The following PPP1R3B variants were observed in gnomAD, a reference collection of about 807,000 sequenced individuals.
PPP1R3B encodes protein phosphatase 1 regulatory subunit 3B, also known as PP1 subunit R4.
A neutral mutation model predicts 14.6 loss-of-function variants in PPP1R3B; 8 were observed. The ratio of observed to expected loss-of-function variants is 0.55; its 90% CI spans 0.32 to 0.99. PPP1R3B has a LOEUF of 0.99. Among genes scored for constraint, PPP1R3B ranks in the 50% least tolerant of loss-of-function variants. The pLI is 0.04. For synonymous variants in PPP1R3B, 169 were observed against 142.0 expected, an observed-to-expected ratio of 1.19 and a Z score of -1.35; for missense variants, 452 against 360.1, an observed-to-expected ratio of 1.26 and a Z score of -2.07.
In PPP1R3B at chr8:9,136,704, CT is replaced by C. The variant is rs1800901709; in HGVS notation, c.*4089del. The C allele has an allele frequency of 6.6e-6, 1 of 152,180 alleles. No individual in the cohort carries two copies. The highest frequency in any genetic ancestry group is 1.5e-5 in the Non-Finnish European group (1 of 68,022). 9.4% of individuals were successfully genotyped at this position (152,180 alleles called of 1,614,324 possible). A position where few individuals can be genotyped will look rare whatever the true frequency, so the allele number is the denominator to read the frequency against. On this transcript the variant is annotated 3_prime_UTR_variant, in exon 2 of 2. Transcript: ENST00000310455. Reference sequence around the variant, plus strand: ...GCTGCCAAATTGTCTTTGTGTGACCCTATAAGATCCCATCATCCATGTAACT... The same window carrying C: ...GCTGCCAAATTGTCTTTGTGTGACCCATAAGATCCCATCATCCATGTAACT...
At chr8:9,143,966 G>A (rs963776451) in intron 1 of PPP1R3B, among the ~76,000 whole-genome samples, 5 of 152,140 alleles carry the variant, frequency 3.3e-5, no homozygotes, top group South Asian at 2.1e-4. Flanking sequence ...ACCTTAATAT[G>A]TAAAGTGTTC....
chr8:9,141,759 C>T, intron 1 of PPP1R3B, 91 bp from the exon 2 acceptor site: 3 of 1,262,466 alleles, frequency 2.4e-6, no homozygotes, highest in South Asian at 3.0e-5. Context: ...CAGGGACTGG[C>T]AAACAATATT....
At chr8:9,143,163 A>G (rs972472996) in intron 1 of PPP1R3B, among the ~76,000 whole-genome samples, 1 of 152,186 alleles carries the variant, frequency 6.6e-6, no homozygotes, top group African/African-American at 2.4e-5. Context: ...CGTCTTTGCC[A>G]ATACTTATTT....
At chr8:9,149,622 T>G (rs1801355313) in intron 1 of PPP1R3B, among the ~76,000 whole-genome samples, 1 of 152,252 alleles carries the variant, frequency 6.6e-6, no homozygotes, top group Admixed American at 6.5e-5. Context: ...ATAATTTTCA[T>G]TTTTAAAGAC....
At position 9,136,931 on chromosome 8, in the gene PPP1R3B, C is replaced by T. The variant is rs1044965201; in HGVS notation, c.*3863G>A. On this transcript the variant is annotated 3_prime_UTR_variant, in exon 2 of 2. Coordinates refer to ENST00000310455, the MANE Select transcript of PPP1R3B (RefSeq NM_024607.4). The stretch of plus-strand genomic sequence containing the variant: ...TTTTTGATTGATAAGCATATATGGC[C>T]CATTTAATGTCCATGACTACAACTA... The T allele has an allele frequency of 4.9e-4, 74 of 152,184 alleles. No individual in the cohort carries two copies. Among genetic ancestry groups the T allele is most frequent in the African/African-American group, 1.7e-3 (72 of 41,522 alleles). The allele number at this position is 152,184 out of a possible 1,614,324, so 9.4% of individuals were successfully genotyped here. A position where few individuals can be genotyped will look rare whatever the true frequency, so the allele number is the denominator to read the frequency against.
At chr8:9,147,267 C>G (rs937717317) in intron 1 of PPP1R3B, among the ~76,000 whole-genome samples, 1 of 152,120 alleles carries the variant, frequency 6.6e-6, no homozygotes, top group Non-Finnish European at 1.5e-5. Context: ...TCCCACAGTG[C>G]TGGGATTATA....
rs1800920293 is a variant in PPP1R3B, at chr8:9,137,316, T to C, written c.*3478A>G. The C allele has an allele frequency of 2.0e-5, 3 of 152,160 alleles. No homozygotes were observed. Among genetic ancestry groups the C allele is most frequent in the South Asian group, 4.1e-4 (2 of 4,822 alleles). The allele number at this position is 152,160 out of a possible 1,614,324, so 9.4% of individuals were successfully genotyped here. Reference sequence around the variant, plus strand: ...CTCAGGGCACTTGAGGGAATAAATATAAAACAAAAATGAAGTTGCTTCCCT... The same window carrying C: ...CTCAGGGCACTTGAGGGAATAAATACAAAACAAAAATGAAGTTGCTTCCCT... On this transcript the variant is annotated 3_prime_UTR_variant, in exon 2 of 2. Coordinates refer to ENST00000310455, the MANE Select transcript of PPP1R3B (RefSeq NM_024607.4).
intron 1 of PPP1R3B, among the ~76,000 whole-genome samples, chr8:9,149,085 C>T (rs1471342236): frequency 2.7e-5 from 4 of 146,674 alleles, no homozygotes; most frequent in Non-Finnish European, 4.5e-5. Context: ...CCCAGCTACT[C>T]AGGAGGCCGA....
intron 1 of PPP1R3B, among the ~76,000 whole-genome samples, chr8:9,148,364 T>C (rs557833625): frequency 2.0e-5 from 3 of 152,078 alleles, no homozygotes; most frequent in Non-Finnish European, 2.9e-5. Flanking sequence ...CCAGGGAATA[T>C]GAGTCACCAA....
chr8:9,142,870 CTG>C (rs1229089359), intron 1 of PPP1R3B, among the ~76,000 whole-genome samples: 1 of 152,214 alleles, frequency 6.6e-6, no homozygotes, highest in Admixed American at 6.5e-5. Context: ...TGGTATTCCA[CTG>C]TGTTTATATA....
Position 9,141,257 on chromosome 8 carries a change from T to G in PPP1R3B, c.395A>C (p.His132Pro). 1 of 1,614,194 alleles carries G rather than the reference T, an allele frequency of 6.2e-7. No homozygotes were observed. The highest frequency in any genetic ancestry group is 1.3e-5 in the African/African-American group (1 of 75,060). The change falls in exon 2 of 2, where the codon CAC becomes CCC. Residue 132 changes from histidine (H) to proline (P), a missense_variant. Physicochemically the swap from His to Pro is moderately conservative, Grantham distance 77. Transcript: ENST00000310455. ...GAGCACACAGTTCTCAAGGCAGACG[T>G]GGTCGGCCTGAAGTCGATTTCTAAA... ...LDFRNRLQAD[H>P]VCLENCVLKD...
chr8:9,144,100 TA>T (rs1166668990), intron 1 of PPP1R3B, among the ~76,000 whole-genome samples: 1 of 152,030 alleles, frequency 6.6e-6, no homozygotes, highest in East Asian at 1.9e-4. Context: ...ACCTTATTAT[TA>T]ATTTAAGAAA....
In PPP1R3B at chr8:9,139,478, A is replaced by C. The variant is rs1395776957; in HGVS notation, c.*1316T>G. ...CATTTTCTGAAGGTTTCGAGGAGAT[A>C]TTGGATATGCAAATCAAATGTCCTA... On this transcript the variant is annotated 3_prime_UTR_variant, in exon 2 of 2. Transcript: ENST00000310455. The C allele has an allele frequency of 6.6e-6, 1 of 152,368 alleles. No individual in the cohort carries two copies. The highest frequency in any genetic ancestry group is 1.5e-5 in the Non-Finnish European group (1 of 68,036). 9.4% of individuals were successfully genotyped at this position (152,368 alleles called of 1,614,324 possible). A position where few individuals can be genotyped will look rare whatever the true frequency, so the allele number is the denominator to read the frequency against.
intron 1 of PPP1R3B, among the ~76,000 whole-genome samples, chr8:9,142,746 A>G (rs868474025): frequency 5.3e-5 from 8 of 152,232 alleles, no homozygotes; most frequent in South Asian, 2.1e-4. Flanking sequence ...GATTCCACAT[A>G]TAAGTGAGAT....
chr8:9,149,922 C>G (rs1313131446), intron 1 of PPP1R3B, among the ~76,000 whole-genome samples: 1 of 152,234 alleles, frequency 6.6e-6, no homozygotes, highest in Admixed American at 6.5e-5. Flanking sequence ...TAAGAATGCC[C>G]GCACCTTGCT....
chr8:9,150,909 G>T (rs918026943), upstream of PPP1R3B, among the ~76,000 whole-genome samples: 2 of 152,230 alleles, frequency 1.3e-5, no homozygotes, highest in African/African-American at 4.8e-5. Flanking sequence ...GTTTTATAGG[G>T]AAAATAAGGC....
intron 1 of PPP1R3B, chr8:9,145,141 T>C (rs915263477): frequency 4.6e-5 from 7 of 152,090 alleles, no homozygotes; most frequent in Admixed American, 2.6e-4. Flanking sequence ...TATTTATGTC[T>C]ACATATGTAT....
rs1397199903 is a variant in PPP1R3B, at chr8:9,141,085, C to G, written c.567G>C (p.Arg189Ser). The G allele has an allele frequency of 4.3e-6, 7 of 1,614,074 alleles. No homozygotes were observed. Among genetic ancestry groups the G allele is most frequent in the Non-Finnish European group, 5.9e-6 (7 of 1,180,044 alleles). The change falls in exon 2 of 2, where the codon AGG becomes AGC. Residue 189 changes from arginine to serine, a missense_variant. Transcript: ENST00000310455. ...YVKDTYAGSD[R>S]DTFSFDISLP... is the part of the protein sequence containing the mutation. ...AGCTGATGTCGAAGGAGAACGTGTC[C>G]CTGTCTGAACCGGCATAAGTGTCCT...
In PPP1R3B at chr8:9,136,596, CCATGACCAGGAAAAACTGCTCGTAA is replaced by C. The variant is rs1800897397; in HGVS notation, c.*4173_*4197del. The C allele has an allele frequency of 6.6e-6, 1 of 152,216 alleles. No homozygotes were observed. The highest frequency in any genetic ancestry group is 2.1e-4 in the South Asian group (1 of 4,830). The allele number at this position is 152,216 out of a possible 1,614,324, so 9.4% of individuals were successfully genotyped here. ...CAATGTGGGTTACAGAGCTTTACAACCATGACCAGGAAAAACTGCTCGTAACAACAGCTGTCCTTCCCAGTTCCAC... is the reference window on the plus strand; with the variant it reads ...CAATGTGGGTTACAGAGCTTTACAACCAACAGCTGTCCTTCCCAGTTCCAC... On this transcript the variant is annotated 3_prime_UTR_variant, in exon 2 of 2. Coordinates refer to ENST00000310455, the MANE Select transcript of PPP1R3B (RefSeq NM_024607.4).
Sources: gnomAD v4.1 joint callset for allele counts (sites outside exome capture counted in the v4.1 genomes callset) on GRCh38, gnomAD v4.1.1 for gene constraint, MANE v1.5 for transcripts, NCBI Gene and HGNC (gene_info 2026-07-23, HGNC 2026-07-21) for gene names.